Variants in EPHA6 observed in about 807,000 individuals in gnomAD.
The protein encoded by EPHA6 is ephrin type-A receptor 6.
EPHA6 carries 50 observed loss-of-function variants against 112.0 expected under a neutral mutation model. The ratio of observed to expected loss-of-function variants is 0.45; its 90% CI spans 0.36 to 0.56. EPHA6 has a LOEUF of 0.56. EPHA6 is among the 20% of genes least tolerant of loss of function. EPHA6 has a pLI of 0.00. For synonymous variants in EPHA6, 529 were observed against 490.7 expected, an observed-to-expected ratio of 1.08 and a Z score of -1.03; for missense variants, 1,280 against 1,417.4, an observed-to-expected ratio of 0.90 and a Z score of 1.56.
intron 2 of EPHA6, among the ~76,000 whole-genome samples, chr3:96,982,166 T>C (rs1338060310): frequency 2.0e-5 from 3 of 152,222 alleles, no homozygotes; most frequent in Non-Finnish European, 4.4e-5. Context: ...ATTTTAGATC[T>C]TTCCTGCTTT....
At chr3:97,598,513 G>T (rs1411374912) in intron 12 of EPHA6, among the ~76,000 whole-genome samples, 3 of 147,554 alleles carry the variant, frequency 2.0e-5, no homozygotes, top group African/African-American at 7.5e-5. Flanking sequence ...AGAATATGCG[G>T]TGTTTGGTTT....
chr3:97,197,887 G>C (rs1344575118), intron 3 of EPHA6, among the ~76,000 whole-genome samples: 1 of 152,038 alleles, frequency 6.6e-6, no homozygotes, highest in African/African-American at 2.4e-5. Context: ...GCTACAGTAG[G>C]TCTAAATACT....
chr3:97,331,838 G>A (rs1455137037), intron 5 of EPHA6, among the ~76,000 whole-genome samples: 1 of 152,138 alleles, frequency 6.6e-6, no homozygotes, highest in African/African-American at 2.4e-5. Context: ...ACAAGGAGGA[G>A]CTGGTACCAT....
intron 7 of EPHA6, among the ~76,000 whole-genome samples, chr3:97,467,945 T>C (rs920825482): frequency 6.6e-6 from 1 of 151,750 alleles, no homozygotes; most frequent in African/African-American, 2.4e-5. Context: ...CATTAAATTG[T>C]ACCAAAATCA....
intron 5 of EPHA6, among the ~76,000 whole-genome samples, chr3:97,264,366 GC>G (rs2079602543): frequency 6.6e-6 from 1 of 152,242 alleles, no homozygotes; most frequent in African/African-American, 2.4e-5. Flanking sequence ...CACAGGACAG[GC>G]AGCTCCAGGT....
chr3:96,855,361 A>C (rs560460653), intron 1 of EPHA6, among the ~76,000 whole-genome samples: 1 of 152,292 alleles, frequency 6.6e-6, no homozygotes, highest in East Asian at 1.9e-4. Flanking sequence ...GGAGACAGAC[A>C]TATTATTCTG....
At chr3:96,939,744 C>G (rs906578717) in intron 2 of EPHA6, among the ~76,000 whole-genome samples, 2 of 152,170 alleles carry the variant, frequency 1.3e-5, no homozygotes, top group Non-Finnish European at 2.9e-5. Flanking sequence ...GCATTTAGTG[C>G]TATAAATTTC....
chr3:96,937,708 C>T (rs2040676579), intron 2 of EPHA6, among the ~76,000 whole-genome samples: 1 of 152,032 alleles, frequency 6.6e-6, no homozygotes. Context: ...ATGGTATTGC[C>T]TAGGTTTTCT....
In EPHA6 at chr3:97,196,107, G is replaced by A. The variant is rs550744307; in HGVS notation, c.1115-30157G>A. 4.0e-5 allele frequency among the ~76,000 whole-genome samples: 6 copies of A among 149,006 alleles called. No individual in the cohort carries two copies. In the East Asian group the frequency reaches 5.9e-4, roughly 15 times the overall value. The stretch of plus-strand genomic sequence containing the variant: ...TCTCTCTATCCCCTCTTAAAGGCCA[G>A]TAACTCCTAGATTTGCCCTTTTGAG... On this transcript the variant is annotated intron_variant, in intron 3 of 17. Coordinates refer to ENST00000389672, the MANE Select transcript of EPHA6 (RefSeq NM_001080448.3).
chr3:97,686,245 G>A (rs989420140), intron 14 of EPHA6, among the ~76,000 whole-genome samples: 2 of 151,940 alleles, frequency 1.3e-5, no homozygotes, highest in African/African-American at 2.4e-5. Flanking sequence ...GAGATTAAAG[G>A]GTCAGCTATT....
intron 6 of EPHA6, among the ~76,000 whole-genome samples, chr3:97,424,953 G>A (rs902639301): frequency 6.6e-6 from 1 of 152,096 alleles, no homozygotes; most frequent in African/African-American, 2.4e-5. Context: ...AAACAAGTCA[G>A]TAATTAAATT....
At chr3:97,694,579 G>C (rs748665344) in intron 14 of EPHA6, among the ~76,000 whole-genome samples, 18 of 152,134 alleles carry the variant, frequency 1.2e-4, no homozygotes, top group Admixed American at 5.2e-4. Context: ...GGTAGCTCAA[G>C]GGGCAAAATT....
intron 10 of EPHA6, among the ~76,000 whole-genome samples, chr3:97,495,691 A>G (rs1017948099): frequency 2.0e-5 from 3 of 151,934 alleles, no homozygotes; most frequent in African/African-American, 4.8e-5. Flanking sequence ...TTAGCTGTGT[A>G]CTCTTATCAT....
chr3:96,867,547 A>G (rs1353208742), intron 2 of EPHA6, among the ~76,000 whole-genome samples: 1 of 151,804 alleles, frequency 6.6e-6, no homozygotes, highest in Non-Finnish European at 1.5e-5. Context: ...ACACTGAGCT[A>G]AAATAAAAGG....
At chr3:97,507,286 T>A (rs534815664) in intron 10 of EPHA6, among the ~76,000 whole-genome samples, 8 of 152,314 alleles carry the variant, frequency 5.3e-5, no homozygotes, top group African/African-American at 1.9e-4. Flanking sequence ...TTCACTATGA[T>A]ATTGGCTGTG....
intron 5 of EPHA6, among the ~76,000 whole-genome samples, chr3:97,339,705 G>C (rs1340478388): frequency 6.6e-6 from 1 of 152,078 alleles, no homozygotes; most frequent in African/African-American, 2.4e-5. Context: ...ACCTATATTG[G>C]TACGAGCCTA....
chr3:97,643,632 C>A (rs1450583328), intron 14 of EPHA6, among the ~76,000 whole-genome samples: 2 of 151,216 alleles, frequency 1.3e-5, no homozygotes, highest in East Asian at 3.9e-4. Flanking sequence ...AAAAAGCAGG[C>A]GTTGCAATCC....
intron 1 of EPHA6, among the ~76,000 whole-genome samples, chr3:96,861,865 A>G (rs1418926369): frequency 6.6e-6 from 1 of 152,124 alleles, no homozygotes; most frequent in East Asian, 1.9e-4. Context: ...TTATCTTAAA[A>G]TATTCCAAGT....
At chr3:97,562,752 T>C (rs2093209201) in intron 11 of EPHA6, among the ~76,000 whole-genome samples, 1 of 152,108 alleles carries the variant, frequency 6.6e-6, no homozygotes, top group Non-Finnish European at 1.5e-5. Context: ...AAATCTGTCA[T>C]GAAAGGAAGA....
Sources: allele counts gnomAD v4.1 joint callset (sites outside exome capture counted in the v4.1 genomes callset), GRCh38; gene constraint gnomAD v4.1.1; transcripts MANE v1.5; gene names NCBI Gene and HGNC (gene_info 2026-07-23, HGNC 2026-07-21).